The following TMEM108 variants were observed in gnomAD, a reference collection of about 807,000 sequenced individuals.
TMEM108 encodes transmembrane protein 108, also known as cancer/testis antigen 124.
In TMEM108, 12 loss-of-function variants were observed where a neutral mutation model predicts 35.1. The ratio of observed to expected loss-of-function variants is 0.34; its 90% CI spans 0.22 to 0.55. The LOEUF (loss-of-function observed/expected upper bound fraction) is 0.55, where lower values mean the gene tolerates loss of function less well. TMEM108 is among the 20% of genes least tolerant of loss of function. TMEM108 has a pLI of 0.89. For missense variants in TMEM108, 680 were observed against 753.3 expected (o/e 0.90, Z 1.14); for synonymous variants, 287 against 308.6 (o/e 0.93, Z 0.73).
chr3:133,284,206 G>T (rs933051796), intron 3 of TMEM108, among the ~76,000 whole-genome samples: 1 of 152,172 alleles, frequency 6.6e-6, no homozygotes, highest in Non-Finnish European at 1.5e-5. Context: ...CCCCTGCAGG[G>T]CATGTCATGT....
chr3:133,084,179 C>T (rs1943851440), intron 2 of TMEM108, among the ~76,000 whole-genome samples: 1 of 152,040 alleles, frequency 6.6e-6, no homozygotes, highest in South Asian at 2.1e-4. Flanking sequence ...AGAACAGCAT[C>T]ATAAACCATG....
intron 3 of TMEM108, among the ~76,000 whole-genome samples, chr3:133,294,156 A>G (rs938933702): frequency 6.6e-6 from 1 of 152,228 alleles, no homozygotes; most frequent in Non-Finnish European, 1.5e-5. Context: ...TTTCATCCTT[A>G]TAAAAAATGC....
At chr3:133,235,387 A>C (rs758841763) in intron 3 of TMEM108, among the ~76,000 whole-genome samples, 1 of 152,218 alleles carries the variant, frequency 6.6e-6, no homozygotes, top group Non-Finnish European at 1.5e-5. Context: ...ACAGCATGGT[A>C]CTAGTACCAA....
intron 2 of TMEM108, among the ~76,000 whole-genome samples, chr3:133,216,411 CAT>C (rs1485867130): frequency 1.3e-5 from 2 of 152,046 alleles, no homozygotes; most frequent in Admixed American, 6.6e-5. Context: ...GCCACTATGT[CAT>C]ATGTGTGGTC....
intron 3 of TMEM108, among the ~76,000 whole-genome samples, chr3:133,244,052 G>C (rs1946350142): frequency 1.3e-5 from 2 of 152,124 alleles, no homozygotes; most frequent in South Asian, 4.2e-4. Flanking sequence ...GAGATTATAG[G>C]TCACACCTTG....
chr3:133,039,974 C>T (rs558675355), intron 1 of TMEM108, among the ~76,000 whole-genome samples: 1 of 152,106 alleles, frequency 6.6e-6, no homozygotes, highest in Non-Finnish European at 1.5e-5. Context: ...GAGGGAACAC[C>T]TAAATTTGTT....
At chr3:133,320,152 C>A (rs560332308) in intron 3 of TMEM108, among the ~76,000 whole-genome samples, 36 of 151,984 alleles carry the variant, frequency 2.4e-4, no homozygotes, top group Non-Finnish European at 5.0e-4. Flanking sequence ...TACTAGCTCC[C>A]CAGCAGTGGA....
intron 2 of TMEM108, among the ~76,000 whole-genome samples, chr3:133,166,529 C>G (rs1297610606): frequency 6.6e-6 from 1 of 152,170 alleles, no homozygotes; most frequent in Admixed American, 6.5e-5. Context: ...TTCGGAGTTT[C>G]TTCCTTCTGG....
chr3:133,315,396 A>C (rs2107714537), intron 3 of TMEM108, among the ~76,000 whole-genome samples: 1 of 151,512 alleles, frequency 6.6e-6, no homozygotes, highest in Non-Finnish European at 1.5e-5. Flanking sequence ...TGACTTTGAA[A>C]CACAGAAAGC....
chr3:133,184,319 T>C (rs554303079), intron 2 of TMEM108, among the ~76,000 whole-genome samples: 3 of 152,326 alleles, frequency 2.0e-5, no homozygotes, highest in South Asian at 4.1e-4. Flanking sequence ...AAATGTACAT[T>C]AGCAATATTT....
At chr3:133,254,598 G>A (rs1454487046) in intron 3 of TMEM108, among the ~76,000 whole-genome samples, 2 of 152,088 alleles carry the variant, frequency 1.3e-5, no homozygotes, top group African/African-American at 4.8e-5. Context: ...TGATAAGCAA[G>A]ACTCAGCAAA....
chr3:133,271,670 C>T (rs1437073519), intron 3 of TMEM108, among the ~76,000 whole-genome samples: 1 of 152,120 alleles, frequency 6.6e-6, no homozygotes, highest in Non-Finnish European at 1.5e-5. Flanking sequence ...ATTAACACAA[C>T]AGACGCTGCT....
rs1576340343 is a variant in TMEM108 at position 133,139,934 on chromosome 3, A to G, written c.-46-89332A>G. 2.0e-5 allele frequency among the ~76,000 whole-genome samples: 3 copies of G among 152,276 alleles called. No homozygotes were observed. In the South Asian group the frequency reaches 6.2e-4, roughly 32 times the overall value. ...CCCACATAGTCTTCCTCATCTGCTGAGGCTGGGGTAGGACTTTCAGGTAAT... is the reference window on the plus strand; with the variant it reads ...CCCACATAGTCTTCCTCATCTGCTGGGGCTGGGGTAGGACTTTCAGGTAAT... On this transcript the variant is annotated intron_variant, in intron 2 of 5. Coordinates refer to ENST00000321871, the MANE Select transcript of TMEM108 (RefSeq NM_023943.4).
At chr3:133,308,605 C>T (rs1616820) in intron 3 of TMEM108, among the ~76,000 whole-genome samples, 146,917 of 152,244 alleles carry the variant, frequency 0.97, 71,093 homozygotes, top group East Asian at 1. Flanking sequence ...CTTTTCTGCA[C>T]CTATTGAGAT....
intron 4 of TMEM108, chr3:133,386,299 CTTA>C: frequency 1.8e-6 from 2 of 1,092,998 alleles, no homozygotes; most frequent in Non-Finnish European, 2.7e-6. Context: ...GATTATTCAT[CTTA>C]TTGTTTTTAA....
chr3:133,284,736 A>C (rs905212393), intron 3 of TMEM108, among the ~76,000 whole-genome samples: 5 of 152,196 alleles, frequency 3.3e-5, no homozygotes, highest in Admixed American at 1.3e-4. Flanking sequence ...CTGTTGTTCA[A>C]ACCATCCCGG....
chr3:133,291,952 C>T (rs930381771), intron 3 of TMEM108, among the ~76,000 whole-genome samples: 3 of 152,146 alleles, frequency 2.0e-5, no homozygotes, highest in Non-Finnish European at 4.4e-5. Flanking sequence ...TTTGGCTGAG[C>T]AGGATCTGCA....
chr3:133,192,798 G>C (rs9853271), intron 2 of TMEM108: 1 of 152,242 alleles, frequency 6.6e-6, no homozygotes, highest in South Asian at 2.1e-4. Flanking sequence ...GCTTCATGAG[G>C]AAGGAGAATG....
At position 133,106,047 on chromosome 3, in the gene TMEM108, C is replaced by T. The variant is rs1004152159; in HGVS notation, c.-47+60027C>T. Among the ~76,000 whole-genome samples the T allele has an allele frequency of 6.6e-5, 10 of 152,084 alleles. No individual in the cohort carries two copies. The East Asian group carries it at 1.9e-3, about 29-fold the overall frequency. ...ATCCTGCCCTCACGGAATTTATAAC[C>T]TAATAGGGGTGAATGTCATTTAAAT... On this transcript the variant is annotated intron_variant, in intron 2 of 5. Transcript: ENST00000321871.
Sources: gnomAD v4.1 joint callset for allele counts (sites outside exome capture counted in the v4.1 genomes callset) on GRCh38, gnomAD v4.1.1 for gene constraint, MANE v1.5 for transcripts, NCBI Gene and HGNC (gene_info 2026-07-23, HGNC 2026-07-21) for gene names.